The following STX8 variants were observed in gnomAD, a reference collection of about 807,000 sequenced individuals.
The protein encoded by STX8 is syntaxin-8.
STX8 carries 23 observed loss-of-function variants against 37.5 expected under a neutral mutation model. The ratio of observed to expected loss-of-function variants is 0.61; its 90% CI spans 0.44 to 0.87. The LOEUF is 0.87. Ranked by LOEUF, STX8 falls within the 40% of genes least tolerant of loss-of-function variation. STX8 has a pLI of 0.00. For synonymous variants in STX8, 115 were observed against 99.1 expected (o/e 1.16, Z -0.95); for missense variants, 313 against 284.7 (o/e 1.10, Z -0.71).
chr17:9,566,953 C>A (rs150725812), intron 2 of STX8, among the ~76,000 whole-genome samples: 1 of 152,210 alleles, frequency 6.6e-6, no homozygotes, highest in East Asian at 1.9e-4. Context: ...TAAAAAAGAT[C>A]GAGATCATGT....
At chr17:9,426,282 T>G (rs375434647) in intron 6 of STX8, among the ~76,000 whole-genome samples, 31 of 152,068 alleles carry the variant, frequency 2.0e-4, no homozygotes, top group African/African-American at 7.2e-4. Context: ...ATCCCAACAC[T>G]TCGGGAGGCC....
intron 4 of STX8, among the ~76,000 whole-genome samples, chr17:9,514,555 A>G (rs9903815): frequency 0.035 from 5,321 of 152,188 alleles, 350 homozygotes; most frequent in African/African-American, 0.12. Context: ...GCAGTGAGCC[A>G]AGATTGCGCC....
rs542338795 is a variant in STX8, at chr17:9,369,606, T to C, written c.643+8946A>G. Among the ~76,000 whole-genome samples, 21 of 152,222 alleles carry C rather than the reference T, an allele frequency of 1.4e-4. No individual in the cohort carries two copies. The East Asian group carries it at 3.9e-3, about 28-fold the overall frequency. On this transcript the variant is annotated intron_variant, in intron 7 of 7. Coordinates refer to ENST00000306357, the MANE Select transcript of STX8 (RefSeq NM_004853.3). ...AAAAGAGCTAATATGATAAAAAGCA[T>C]GTTGGTCAGGCACAGTGTCATACAT...
At chr17:9,277,287 C>T (rs780196388) in intron 7 of STX8, among the ~76,000 whole-genome samples, 1 of 152,012 alleles carries the variant, frequency 6.6e-6, no homozygotes, top group Non-Finnish European at 1.5e-5. Context: ...AATGAGAGGA[C>T]CTGAAGTTCT....
Position 9,340,252 on chromosome 17 carries a change from C to G in STX8, c.643+38300G>C, listed in dbSNP as rs559632766. The stretch of plus-strand genomic sequence containing the variant: ...CCTCAGGTGACCTTCTCTCATTTAT[C>G]AAAGCTGGAAAGGGCTGTGATTTTC... On this transcript the variant is annotated intron_variant, in intron 7 of 7. Coordinates refer to ENST00000306357, the MANE Select transcript of STX8 (RefSeq NM_004853.3). Among the ~76,000 whole-genome samples, 156 of 152,320 alleles carry G rather than the reference C, an allele frequency of 1.0e-3. 1 individual carries two copies. The highest frequency in any genetic ancestry group is 3.7e-3 in the African/African-American group (152 of 41,568).
intron 7 of STX8, among the ~76,000 whole-genome samples, chr17:9,260,196 G>A (rs1208501373): frequency 6.6e-6 from 1 of 152,164 alleles, no homozygotes; most frequent in East Asian, 1.9e-4. Context: ...GGTGATGTGT[G>A]GCTGTAATCC....
chr17:9,396,189 A>G (rs1912395485), intron 6 of STX8, among the ~76,000 whole-genome samples: 1 of 152,236 alleles, frequency 6.6e-6, no homozygotes, highest in African/African-American at 2.4e-5. Context: ...AATAATTTAC[A>G]GATTATCAAC....
At chr17:9,273,015 T>C (rs1907526614) in intron 7 of STX8, among the ~76,000 whole-genome samples, 2 of 152,212 alleles carry the variant, frequency 1.3e-5, no homozygotes, top group Admixed American at 1.3e-4. Flanking sequence ...TGCGAAGCAA[T>C]AAATCAAACT....
At chr17:9,279,766 T>C (rs577723764) in intron 7 of STX8, among the ~76,000 whole-genome samples, 3 of 152,380 alleles carry the variant, frequency 2.0e-5, no homozygotes, top group African/African-American at 7.2e-5. Flanking sequence ...ATCTGTTTTT[T>C]GGTTTTCCTC....
chr17:9,330,645 G>A (rs1043781289), intron 7 of STX8, among the ~76,000 whole-genome samples: 5 of 152,202 alleles, frequency 3.3e-5, no homozygotes, highest in Non-Finnish European at 5.9e-5. Context: ...TTTGGGACGT[G>A]GGTTCACGTT....
chr17:9,418,250 C>G (rs1300699936), intron 6 of STX8, among the ~76,000 whole-genome samples: 1 of 152,042 alleles, frequency 6.6e-6, no homozygotes, highest in African/African-American at 2.4e-5. Flanking sequence ...GGAAAAGTCC[C>G]CATATATTTG....
chr17:9,568,539 C>A, intron 1 of STX8, 69 bp from the exon 2 acceptor site: 1 of 1,352,584 alleles, frequency 7.4e-7, no homozygotes, highest in South Asian at 1.3e-5. Context: ...CTCGCTCTGT[C>A]GCCCAGGCTG....
intron 7 of STX8, among the ~76,000 whole-genome samples, chr17:9,269,217 C>T (rs1417703500): frequency 6.6e-6 from 1 of 151,668 alleles, no homozygotes; most frequent in African/African-American, 2.4e-5. Flanking sequence ...GTATTTGAGG[C>T]CCAAGGAGTC....
At chr17:9,499,378 G>A (rs993474806) in intron 5 of STX8, among the ~76,000 whole-genome samples, 5 of 151,960 alleles carry the variant, frequency 3.3e-5, no homozygotes, top group Admixed American at 1.3e-4. Context: ...AAAACAGCTC[G>A]CTAGCAAAGA....
chr17:9,414,499 A>T (rs897740054), intron 6 of STX8, among the ~76,000 whole-genome samples: 1 of 152,156 alleles, frequency 6.6e-6, no homozygotes, highest in African/African-American at 2.4e-5. Context: ...CCTCATTGCA[A>T]ACTGGTAACA....
At chr17:9,420,730 G>A (rs1007244832) in intron 6 of STX8, among the ~76,000 whole-genome samples, 3 of 152,056 alleles carry the variant, frequency 2.0e-5, no homozygotes, top group Non-Finnish European at 4.4e-5. Flanking sequence ...CGATTATTAC[G>A]GGGACAGTGT....
At chr17:9,495,388 C>CTA (rs919946221) in intron 5 of STX8, among the ~76,000 whole-genome samples, 3 of 151,996 alleles carry the variant, frequency 2.0e-5, no homozygotes, top group Non-Finnish European at 2.9e-5. Flanking sequence ...GATGAATAAT[C>CTA]TATATATATA....
intron 6 of STX8, 48 bp downstream of exon 6, chr17:9,491,781 A>T: frequency 1.4e-6 from 2 of 1,463,008 alleles, no homozygotes; most frequent in Non-Finnish European, 1.9e-6. Flanking sequence ...TCAAGCCTTT[A>T]GTATTTATGT....
chr17:9,456,813 CA>C (rs906945574), intron 6 of STX8, among the ~76,000 whole-genome samples: 14 of 150,852 alleles, frequency 9.3e-5, no homozygotes, highest in African/African-American at 9.7e-5. Context: ...TTTTAAAAAA[CA>C]AAAAAAAAGT....
Sources: gnomAD v4.1 joint callset for allele counts (sites outside exome capture counted in the v4.1 genomes callset) on GRCh38, gnomAD v4.1.1 for gene constraint, MANE v1.5 for transcripts, NCBI Gene and HGNC (gene_info 2026-07-23, HGNC 2026-07-21) for gene names.